Variants in KCNIP1 observed in about 807,000 individuals in gnomAD.
KCNIP1 encodes potassium voltage-gated channel interacting protein 1.
KCNIP1 carries 18 observed loss-of-function variants against 33.0 expected under a neutral mutation model. The observed-to-expected ratio is 0.55, with a 90% confidence interval of 0.38 to 0.81. The LOEUF is 0.81. KCNIP1 is among the 30% of genes least tolerant of loss of function. The probability of loss-of-function intolerance (pLI) is 0.00; values close to 1 mark genes in which losing one functional copy is unlikely to be tolerated. For synonymous variants in KCNIP1, 93 were observed against 98.3 expected (o/e 0.95, Z 0.32); for missense variants, 238 against 271.6 (o/e 0.88, Z 0.87).
chr5:170,497,548 A>T (rs1341604248), intron 1 of KCNIP1, among the ~76,000 whole-genome samples: 2 of 152,144 alleles, frequency 1.3e-5, no homozygotes, highest in Non-Finnish European at 2.9e-5. Flanking sequence ...CTGGGGGAAA[A>T]GGTTCACAGG....
intron 1 of KCNIP1, among the ~76,000 whole-genome samples, chr5:170,550,529 T>C (rs1395390020): frequency 6.7e-6 from 1 of 148,406 alleles, no homozygotes; most frequent in Non-Finnish European, 1.5e-5. Flanking sequence ...GCAATGATGA[T>C]GATGGTGATA....
chr5:170,525,682 C>G (rs1239885799), intron 1 of KCNIP1, among the ~76,000 whole-genome samples: 1 of 152,216 alleles, frequency 6.6e-6, no homozygotes, highest in Non-Finnish European at 1.5e-5. Flanking sequence ...GTGACAAGCC[C>G]CTTCCCAGGC....
chr5:170,364,146 G>A (rs527411407), intron 1 of KCNIP1, among the ~76,000 whole-genome samples: 5 of 151,998 alleles, frequency 3.3e-5, no homozygotes, highest in African/African-American at 1.2e-4. Flanking sequence ...GACTACAGGC[G>A]TGCGCCACCA....
chr5:170,447,621 A>C (rs1488394315), intron 1 of KCNIP1, among the ~76,000 whole-genome samples: 1 of 152,124 alleles, frequency 6.6e-6, no homozygotes, highest in Non-Finnish European at 1.5e-5. Context: ...CCACCAAATC[A>C]GTGCCAGCAG....
At chr5:170,725,734 T>C (rs906937395) in intron 5 of KCNIP1, among the ~76,000 whole-genome samples, 6 of 152,226 alleles carry the variant, frequency 3.9e-5, no homozygotes, top group Admixed American at 2.6e-4. Context: ...ATGTGGTTAT[T>C]ACACATTGTA....
At chr5:170,513,952 T>TCACTTTGCAGAGTGAGGAATACTTTG (rs1352805834) in intron 1 of KCNIP1, among the ~76,000 whole-genome samples, 4 of 152,238 alleles carry the variant, frequency 2.6e-5, no homozygotes, top group African/African-American at 9.6e-5. Flanking sequence ...ATTATTATTC[T>TCACTTTGCAGAGTGAGGAATACTTTG]CACTTTGCAG....
intron 1 of KCNIP1, among the ~76,000 whole-genome samples, chr5:170,398,907 A>G (rs1754827040): frequency 6.6e-6 from 1 of 152,202 alleles, no homozygotes; most frequent in Non-Finnish European, 1.5e-5. Flanking sequence ...GAGGGTCCTG[A>G]TCCAGACACC....
Position 170,613,261 on chromosome 5 carries a change from G to T in KCNIP1, c.62-105497G>T, listed in dbSNP as rs141952819. Among the ~76,000 whole-genome samples the T allele has an allele frequency of 2.4e-3, 361 of 152,252 alleles. 3 individuals carry two copies. The highest frequency in any genetic ancestry group is 8.2e-3 in the African/African-American group (339 of 41,540). On this transcript the variant is annotated intron_variant, in intron 1 of 7. Coordinates refer to ENST00000328939, the MANE Select transcript of KCNIP1 (RefSeq NM_014592.4). Reference sequence around the variant, plus strand: ...CTGCCACTACCTGTGTGTGTCCATCGCTCCATCCATTGAGCCTGTGAGGGG... The same window carrying T: ...CTGCCACTACCTGTGTGTGTCCATCTCTCCATCCATTGAGCCTGTGAGGGG...
chr5:170,464,739 G>A (rs955162829), intron 1 of KCNIP1, among the ~76,000 whole-genome samples: 1 of 152,102 alleles, frequency 6.6e-6, no homozygotes, highest in African/African-American at 2.4e-5. Context: ...CACCACTCTT[G>A]AGTTTCTTCG....
chr5:170,601,705 A>C (rs555902613), intron 1 of KCNIP1, among the ~76,000 whole-genome samples: 1 of 152,234 alleles, frequency 6.6e-6, no homozygotes, highest in Non-Finnish European at 1.5e-5. Flanking sequence ...GGGCCACAGA[A>C]GGGCCAGATC....
chr5:170,667,259 C>T (rs914660801), intron 1 of KCNIP1, among the ~76,000 whole-genome samples: 3 of 151,152 alleles, frequency 2.0e-5, no homozygotes, highest in African/African-American at 7.3e-5. Flanking sequence ...TTGCAGTGAG[C>T]CAAGATCGTG....
intron 1 of KCNIP1, among the ~76,000 whole-genome samples, chr5:170,602,906 G>T: frequency 6.6e-6 from 1 of 152,304 alleles, no homozygotes; most frequent in Non-Finnish European, 1.5e-5. Context: ...TGGTCCCAAG[G>T]TTCGGCGCCG....
chr5:170,519,774 G>A (rs1009806563), intron 1 of KCNIP1, among the ~76,000 whole-genome samples: 4 of 152,166 alleles, frequency 2.6e-5, no homozygotes, highest in African/African-American at 9.7e-5. Context: ...TAAGAGTATG[G>A]AAGAAAATGT....
chr5:170,548,975 CT>C (rs1756509806), intron 1 of KCNIP1, among the ~76,000 whole-genome samples: 1 of 152,136 alleles, frequency 6.6e-6, no homozygotes, highest in Non-Finnish European at 1.5e-5. Context: ...AGCATGGGGG[CT>C]GGGGCTGGAG....
intron 1 of KCNIP1, among the ~76,000 whole-genome samples, chr5:170,457,318 A>G (rs1581210134): frequency 1.1e-4 from 16 of 151,556 alleles, no homozygotes; most frequent in Admixed American, 8.5e-4. Flanking sequence ...TGCAGGGGCC[A>G]CCACCACCAC....
At chr5:170,586,119 C>T in intron 1 of KCNIP1, among the ~76,000 whole-genome samples, 1 of 152,236 alleles carries the variant, frequency 6.6e-6, no homozygotes, top group Non-Finnish European at 1.5e-5. Context: ...CCACAGTGGT[C>T]ATGTGAATTC....
At position 170,712,684 on chromosome 5, in the gene KCNIP1, T is replaced by A. The variant is rs375133831; in HGVS notation, c.62-6074T>A. On this transcript the variant is annotated intron_variant, in intron 1 of 7. Coordinates refer to ENST00000328939, the MANE Select transcript of KCNIP1 (RefSeq NM_014592.4). ...CCACTGCTCTTGCCTGTTCTGACCA[T>A]GGGAAAAGGACAGGGAGCTCAGCTC... Among the ~76,000 whole-genome samples, 9 of 152,248 alleles carry A rather than the reference T, an allele frequency of 5.9e-5. No homozygotes were observed. In the East Asian group the frequency reaches 1.2e-3, roughly 20 times the overall value.
At chr5:170,459,439 G>T (rs1397628178) in intron 1 of KCNIP1, among the ~76,000 whole-genome samples, 1 of 152,064 alleles carries the variant, frequency 6.6e-6, no homozygotes, top group Non-Finnish European at 1.5e-5. Flanking sequence ...CCATATGATA[G>T]GTCACAAAAT....
intron 1 of KCNIP1, among the ~76,000 whole-genome samples, chr5:170,525,832 G>T (rs767430918): frequency 2.0e-5 from 3 of 152,186 alleles, no homozygotes; most frequent in African/African-American, 4.8e-5. Flanking sequence ...ATTAGCCAAG[G>T]GTGAGGGTGT....
Sources: allele counts gnomAD v4.1 joint callset (sites outside exome capture counted in the v4.1 genomes callset), GRCh38; gene constraint gnomAD v4.1.1; transcripts MANE v1.5; gene names NCBI Gene and HGNC (gene_info 2026-07-23, HGNC 2026-07-21).